Variants in HS6ST3 observed in about 807,000 individuals in gnomAD.
The protein encoded by HS6ST3 is heparan sulfate 6-O-sulfotransferase 3, also known as heparan-sulfate 6-O-sulfotransferase 3.
Under a neutral mutation model 36.7 loss-of-function variants are expected in HS6ST3, and 12 were observed. The observed-to-expected ratio is 0.33, with a 90% CI of 0.21 to 0.53. HS6ST3 has a LOEUF of 0.53. Among genes scored for constraint, HS6ST3 ranks in the 20% least tolerant of loss-of-function variants. The pLI is 0.95. For synonymous variants in HS6ST3, 240 were observed against 257.5 expected (o/e 0.93, Z 0.65); for missense variants, 584 against 640.9 (o/e 0.91, Z 0.96).
rs773827226 is a variant in HS6ST3 at position 96,091,249 on chromosome 13, C to T, written c.387C>T (p.Phe129=). 5 of 1,604,602 alleles carry T rather than the reference C, an allele frequency of 3.1e-6. No individual in the cohort carries two copies. Among genetic ancestry groups the T allele is most frequent in the South Asian group, 1.1e-5 (1 of 89,606 alleles). The change falls in exon 1 of 2, where the codon TTC becomes TTT. Residue 129 remains phenylalanine, a synonymous_variant. Coordinates refer to ENST00000376705, the MANE Select transcript of HS6ST3 (RefSeq NM_153456.4). ...SLPRFVPRFN[F]SLKDLTRFVD... is the part of the protein sequence containing the mutation. ...CCCGATTCGTGCCGCGCTTCAACTT[C>T]AGCCTGAAGGACCTGACCCGCTTCG... is the stretch of plus-strand genomic sequence containing the variant.
chr13:96,439,989 A>G (rs563312553), intron 1 of HS6ST3, among the ~76,000 whole-genome samples: 2 of 152,350 alleles, frequency 1.3e-5, no homozygotes, highest in East Asian at 1.9e-4. Flanking sequence ...CACCATTTCT[A>G]AAAGGCCTGG....
chr13:96,615,164 A>G (rs1377534115), intron 1 of HS6ST3, among the ~76,000 whole-genome samples: 1 of 152,206 alleles, frequency 6.6e-6, no homozygotes, highest in Non-Finnish European at 1.5e-5. Flanking sequence ...AAAAACCACA[A>G]TTACTGTTGC....
chr13:96,550,294 C>CCTTCTTT (rs1445593818), intron 1 of HS6ST3, among the ~76,000 whole-genome samples: 1 of 152,080 alleles, frequency 6.6e-6, no homozygotes, highest in Non-Finnish European at 1.5e-5. Flanking sequence ...CCTGGAACCC[C>CCTTCTTT]CTTCTTTCTC....
At chr13:96,232,387 C>T (rs1192105802) in intron 1 of HS6ST3, among the ~76,000 whole-genome samples, 2 of 152,082 alleles carry the variant, frequency 1.3e-5, no homozygotes, top group South Asian at 2.1e-4. Flanking sequence ...AGTCAGAGGT[C>T]ATGAGCCTCT....
intron 1 of HS6ST3, among the ~76,000 whole-genome samples, chr13:96,317,346 A>G (rs1239930514): frequency 5.5e-5 from 1 of 18,288 alleles, no homozygotes; most frequent in South Asian, 2.2e-3. Flanking sequence ...ATATATATAT[A>G]TATATATATA....
At chr13:96,125,813 G>A (rs2139308753) in intron 1 of HS6ST3, among the ~76,000 whole-genome samples, 1 of 149,906 alleles carries the variant, frequency 6.7e-6, no homozygotes, top group Admixed American at 6.7e-5. Context: ...AAGTTTTAGG[G>A]TACATGTGCA....
chr13:96,720,681 C>T (rs982812125), intron 1 of HS6ST3, among the ~76,000 whole-genome samples: 15 of 152,168 alleles, frequency 9.9e-5, no homozygotes, highest in Non-Finnish European at 2.2e-4. Flanking sequence ...ATAGACGCAA[C>T]ATGTACTGCG....
At chr13:96,438,842 G>A (rs1178233068) in intron 1 of HS6ST3, among the ~76,000 whole-genome samples, 1 of 152,154 alleles carries the variant, frequency 6.6e-6, no homozygotes, top group Non-Finnish European at 1.5e-5. Context: ...GAAGTGGATG[G>A]ATCACTTAAG....
chr13:96,224,750 C>T (rs1369885159), intron 1 of HS6ST3, among the ~76,000 whole-genome samples: 1 of 152,204 alleles, frequency 6.6e-6, no homozygotes, highest in African/African-American at 2.4e-5. Flanking sequence ...GCTTGGTCAT[C>T]GAAGGTTACA....
At chr13:96,486,099 G>A (rs1221164130) in intron 1 of HS6ST3, among the ~76,000 whole-genome samples, 1 of 146,672 alleles carries the variant, frequency 6.8e-6, no homozygotes, top group Non-Finnish European at 1.5e-5. Flanking sequence ...CCACCTGTGA[G>A]TGAGAACATG....
In HS6ST3 at chr13:96,622,273, T is replaced by TA. The variant is rs561177148; in HGVS notation, c.708-210210dup. Among the ~76,000 whole-genome samples, 14 of 152,146 alleles carry TA rather than the reference T, an allele frequency of 9.2e-5. No homozygotes were observed. In the East Asian group the frequency reaches 9.7e-4, roughly 10 times the overall value. On this transcript the variant is annotated intron_variant, in intron 1 of 1. Coordinates refer to ENST00000376705, the MANE Select transcript of HS6ST3 (RefSeq NM_153456.4). ...ATTTTAGACAACAAAGTATCTTGAG[T>TA]AAAAAAAGCAGTAGTCACTGATAAA...
intron 1 of HS6ST3, among the ~76,000 whole-genome samples, chr13:96,120,072 A>G (rs1196024142): frequency 6.6e-6 from 1 of 152,222 alleles, no homozygotes; most frequent in African/African-American, 2.4e-5. Context: ...CTAATTCAAT[A>G]TAACTGGCGT....
chr13:96,804,262 G>GA (rs1878147804), intron 1 of HS6ST3, among the ~76,000 whole-genome samples: 1 of 152,166 alleles, frequency 6.6e-6, no homozygotes, highest in Admixed American at 6.5e-5. Context: ...TCGGAACAGA[G>GA]AAAAGCGAAT....
intron 1 of HS6ST3, among the ~76,000 whole-genome samples, chr13:96,199,997 A>G (rs1273277783): frequency 6.6e-6 from 1 of 152,194 alleles, no homozygotes; most frequent in African/African-American, 2.4e-5. Context: ...AAAATGAATT[A>G]CATCCATGTT....
intron 1 of HS6ST3, among the ~76,000 whole-genome samples, chr13:96,273,692 G>A (rs1477960556): frequency 6.6e-6 from 1 of 152,090 alleles, no homozygotes; most frequent in African/African-American, 2.4e-5. Context: ...GAGTGTGCAA[G>A]TATCGGTTAG....
chr13:96,786,815 C>T lies in HS6ST3; in HGVS notation c.708-45675C>T, dbSNP rs1877664521. On this transcript the variant is annotated intron_variant, in intron 1 of 1. Transcript: ENST00000376705. ...GCACATGTATGGATTCTTGCAGCAACCTCCACCACTGAGATGCAGAACAGT... is the reference window on the plus strand; with the variant it reads ...GCACATGTATGGATTCTTGCAGCAATCTCCACCACTGAGATGCAGAACAGT... 2.0e-5 allele frequency among the ~76,000 whole-genome samples: 3 copies of T among 152,054 alleles called. No homozygotes were observed. The South Asian group carries it at 6.2e-4, about 32-fold the overall frequency.
chr13:96,107,412 A>G (rs1055824247), intron 1 of HS6ST3, among the ~76,000 whole-genome samples: 1 of 152,174 alleles, frequency 6.6e-6, no homozygotes, highest in Non-Finnish European at 1.5e-5. Context: ...TGGGTTATCC[A>G]TGAGAATATT....
At chr13:96,492,147 C>T (rs911429492) in intron 1 of HS6ST3, among the ~76,000 whole-genome samples, 2 of 152,042 alleles carry the variant, frequency 1.3e-5, no homozygotes, top group Non-Finnish European at 2.9e-5. Flanking sequence ...GTACTATGAG[C>T]GTGTCTCACA....
At chr13:96,535,429 A>C (rs1437170101) in intron 1 of HS6ST3, among the ~76,000 whole-genome samples, 5 of 151,794 alleles carry the variant, frequency 3.3e-5, no homozygotes, top group Admixed American at 2.0e-4. Flanking sequence ...ATGGTGGCAC[A>C]TGCCTGTAGT....
Sources: allele counts gnomAD v4.1 joint callset (sites outside exome capture counted in the v4.1 genomes callset), GRCh38; gene constraint gnomAD v4.1.1; transcripts MANE v1.5; gene names NCBI Gene and HGNC (gene_info 2026-07-23, HGNC 2026-07-21).